The following COL5A1 variants were observed in gnomAD, a reference collection of about 807,000 sequenced individuals.
COL5A1 encodes the protein collagen alpha-1(V) chain.
COL5A1 carries 16 observed loss-of-function variants against 263.7 expected under a neutral mutation model. The ratio of observed to expected loss-of-function variants is 0.06; its 90% CI spans 0.04 to 0.09. The LOEUF is 0.09. Among genes scored for constraint, COL5A1 ranks in the 10% least tolerant of loss-of-function variants. The pLI is 1.00. For missense variants in COL5A1, 2,036 were observed against 2,540.5 expected, an observed-to-expected ratio of 0.80 and a Z score of 4.27; for synonymous variants, 1,012 against 1,004.5, an observed-to-expected ratio of 1.01 and a Z score of -0.14.
chr9:134,833,115 C>T (rs1453237675), intron 64 of COL5A1, among the ~76,000 whole-genome samples: 1 of 147,482 alleles, frequency 6.8e-6, no homozygotes, highest in Non-Finnish European at 1.5e-5. Context: ...GCAAACAGGA[C>T]AGGCTGCCCT....
chr9:134,652,646 C>T lies in COL5A1; in HGVS notation c.109+10350C>T, dbSNP rs774344748. 2 of 470,066 alleles carry T rather than the reference C, an allele frequency of 4.3e-6. No homozygotes were observed. Among genetic ancestry groups the T allele is most frequent in the Non-Finnish European group, 8.8e-6 (2 of 226,518 alleles). The allele number at this position is 470,066 out of a possible 1,614,324, so 29.1% of individuals were successfully genotyped here. On this transcript the variant is annotated intron_variant, in intron 1 of 65. Transcript: ENST00000371817. This position sits in a 1 kb window ranked among gnomAD's most constrained non-coding sequence, Gnocchi z 4.4. Reference sequence around the variant, plus strand: ...ACAGCCCCCACCAAAAAGACTGACCCAGCCCGGAGGCTGCAGGAATCGTGG... The same window carrying T: ...ACAGCCCCCACCAAAAAGACTGACCTAGCCCGGAGGCTGCAGGAATCGTGG...
Position 134,678,703 on chromosome 9 carries a change from C to T in COL5A1, c.110-12209C>T, listed in dbSNP as rs1299438544. Among the ~76,000 whole-genome samples the T allele has an allele frequency of 6.6e-6, 1 of 152,204 alleles. No homozygotes were observed. Among genetic ancestry groups the T allele is most frequent in the Non-Finnish European group, 1.5e-5 (1 of 68,034 alleles). On this transcript the variant is annotated intron_variant, in intron 1 of 65. Coordinates refer to ENST00000371817, the MANE Select transcript of COL5A1 (RefSeq NM_000093.5). This position sits in a 1 kb window ranked among gnomAD's most constrained non-coding sequence, Gnocchi z 5.5. ...CAGCTGGACCACCCAGGATGACAGC[C>T]CAAGTGATCCACCAGGACTCTCGCA...
chr9:134,752,699 C>T (rs1206333438), intron 14 of COL5A1, 54 bp downstream of exon 14: 39 of 1,421,364 alleles, frequency 2.7e-5, no homozygotes, highest in Non-Finnish European at 3.4e-5. Context: ...TGGCCCACTC[C>T]CTGTGTCGTT....
chr9:134,692,552 C>G (rs997346881), intron 2 of COL5A1, among the ~76,000 whole-genome samples: 3 of 152,130 alleles, frequency 2.0e-5, no homozygotes, highest in African/African-American at 7.2e-5. Context: ...AGCTGATTGC[C>G]GAGGACCACA....
intron 50 of COL5A1, among the ~76,000 whole-genome samples, 194 bp downstream of exon 50, chr9:134,815,098 G>A (rs118041994): frequency 3.7e-4 from 57 of 152,360 alleles, no homozygotes; most frequent in Non-Finnish European, 6.5e-4. Context: ...GAGACAGGGC[G>A]TGGACTGGAG....
chr9:134,714,638 ATGGTGGTGGTGG>A (rs546123022), intron 4 of COL5A1, among the ~76,000 whole-genome samples: 40 of 108,186 alleles, frequency 3.7e-4, no homozygotes, highest in Admixed American at 3.7e-4. Flanking sequence ...GGTGGAGGTG[ATGGTGGTGGTGG>A]TGGTGGAGGC....
In COL5A1 at chr9:134,843,362, TCTCTCTTGTGG is replaced by T. The variant is rs1830157162; in HGVS notation, c.*1071_*1081del. The T allele has an allele frequency of 6.9e-6, 1 of 144,324 alleles. No homozygotes were observed. The highest frequency in any genetic ancestry group is 1.5e-5 in the Non-Finnish European group (1 of 65,806). 8.9% of individuals were successfully genotyped at this position (144,324 alleles called of 1,614,324 possible). ...AAAATTGGTGCTTATTTTTTACACT[TCTCTCTTGTGG>T]CTCTCTTGTGGTGCTATCTATCTGT... On this transcript the variant is annotated 3_prime_UTR_variant, in exon 66 of 66. Transcript: ENST00000371817.
Position 134,686,441 on chromosome 9 carries a change from G to T in COL5A1, c.110-4471G>T, listed in dbSNP as rs1386920835. The stretch of plus-strand genomic sequence containing the variant: ...CTAATTTTTGTATTTATGTAGAGAC[G>T]GGGTTTTACCATGTTGCCCAGGTTG... On this transcript the variant is annotated intron_variant, in intron 1 of 65. Coordinates refer to ENST00000371817, the MANE Select transcript of COL5A1 (RefSeq NM_000093.5). This position sits in a 1 kb window ranked among gnomAD's most constrained non-coding sequence, Gnocchi z 4.6. Among the ~76,000 whole-genome samples, 1 of 152,028 alleles carries T rather than the reference G, an allele frequency of 6.6e-6. No individual in the cohort carries two copies. The highest frequency in any genetic ancestry group is 1.5e-5 in the Non-Finnish European group (1 of 68,018).
chr9:134,767,292 G>T lies in COL5A1; in HGVS notation c.2188-18G>T, dbSNP rs1310197470. On this transcript the variant is annotated intron_variant, in intron 23 of 65. Coordinates refer to ENST00000371817, the MANE Select transcript of COL5A1 (RefSeq NM_000093.5). ...TCAGCGCCCTCACCTTCCCTTTCTG[G>T]CTCTTTCTCCCTCTTAGGGTCTTCC... 6.2e-7 allele frequency: 1 copy of T among 1,613,610 alleles called. No individual in the cohort carries two copies. Among genetic ancestry groups the T allele is most frequent in the Non-Finnish European group, 8.5e-7 (1 of 1,179,644 alleles).
chr9:134,810,681 T>C (rs1420078371), intron 44 of COL5A1, among the ~76,000 whole-genome samples: 3 of 152,242 alleles, frequency 2.0e-5, no homozygotes, highest in Non-Finnish European at 4.4e-5. Context: ...TTTTCCCCTT[T>C]TGGTTTTTTC....
In COL5A1 at chr9:134,642,338, C is replaced by G. The variant is rs1831321143; in HGVS notation, c.109+42C>G. ...GCGCGGGGCTGCGGGATGGGGCGCG[C>G]GCAGCCCGGGCGCCGCTGTCATCCC... is the stretch of plus-strand genomic sequence containing the variant. On this transcript the variant is annotated intron_variant, in intron 1 of 65. Coordinates refer to ENST00000371817, the MANE Select transcript of COL5A1 (RefSeq NM_000093.5). The surrounding 1 kb of genome is among the most constrained non-coding windows in gnomAD (Gnocchi z 4.5). The G allele has an allele frequency of 1.8e-6, 1 of 545,454 alleles. No homozygotes were observed. Among genetic ancestry groups the G allele is most frequent in the South Asian group, 8.3e-5 (1 of 12,002 alleles). The allele number at this position is 545,454 out of a possible 1,614,324, so 33.8% of individuals were successfully genotyped here.
At chr9:134,747,772 GAC>G (rs1435570056) in intron 11 of COL5A1, among the ~76,000 whole-genome samples, 1 of 128,676 alleles carries the variant, frequency 7.8e-6, no homozygotes, top group Admixed American at 7.9e-5. Context: ...CATACATGCA[GAC>G]ACATGCACAC....
At chr9:134,813,834 T>G in intron 48 of COL5A1, 149 bp from the exon 49 acceptor site, 1 of 753,086 alleles carries the variant, frequency 1.3e-6, no homozygotes, top group Non-Finnish European at 2.3e-6. Context: ...TCTGGGAGTG[T>G]GTGGGGACAG....
chr9:134,704,116 C>T (rs961472383), intron 4 of COL5A1, among the ~76,000 whole-genome samples: 4 of 152,106 alleles, frequency 2.6e-5, no homozygotes, highest in African/African-American at 9.7e-5. Flanking sequence ...AAGCTGTTTT[C>T]CCAAAAGCAG....
At chr9:134,787,343 T>C (rs1837497873) in intron 31 of COL5A1, among the ~76,000 whole-genome samples, 1 of 152,186 alleles carries the variant, frequency 6.6e-6, no homozygotes, top group Non-Finnish European at 1.5e-5. Flanking sequence ...GTTTCCTGGG[T>C]CCTGCCCCCT....
At chr9:134,662,798 C>T (rs766136116) in intron 1 of COL5A1, among the ~76,000 whole-genome samples, 1 of 152,188 alleles carries the variant, frequency 6.6e-6, no homozygotes, top group African/African-American at 2.4e-5. Flanking sequence ...GGCTGCAAAG[C>T]GATGCTCTGA....
chr9:134,802,798 G>A (rs1168919064), intron 38 of COL5A1, 90 bp from the exon 39 acceptor site: 2 of 997,798 alleles, frequency 2.0e-6, no homozygotes, highest in Non-Finnish European at 3.1e-6. Flanking sequence ...TTGCGTCCAT[G>A]ACCAGGGCTG....
At chr9:134,731,903 C>T (rs1045954509) in intron 8 of COL5A1, among the ~76,000 whole-genome samples, 168 bp from the exon 9 acceptor site, 8 of 152,216 alleles carry the variant, frequency 5.3e-5, no homozygotes, top group South Asian at 2.1e-4. Context: ...CATGGGCTCC[C>T]GTGGGCCTGG....
At chr9:134,778,389 C>T (rs916629434) in intron 27 of COL5A1, among the ~76,000 whole-genome samples, 1 of 152,248 alleles carries the variant, frequency 6.6e-6, no homozygotes, top group African/African-American at 2.4e-5. Flanking sequence ...TGTTCTGAGC[C>T]TCCTCGCGGC....
Sources: gnomAD v4.1 joint callset for allele counts (sites outside exome capture counted in the v4.1 genomes callset) on GRCh38, gnomAD v4.1.1 for gene constraint, Gnocchi (gnomAD v3.1) non-coding constraint, MANE v1.5 for transcripts, NCBI Gene and HGNC (gene_info 2026-07-23, HGNC 2026-07-21) for gene names.